The following UHRF2 variants were observed in gnomAD, a reference collection of about 807,000 sequenced individuals.
UHRF2 encodes the protein ubiquitin like with PHD and ring finger domains 2, also known as E3 ubiquitin-protein ligase UHRF2.
A neutral mutation model predicts 96.8 loss-of-function variants in UHRF2; 23 were observed. That is an observed-to-expected ratio of 0.24 (90% CI 0.17 to 0.34). The LOEUF (loss-of-function observed/expected upper bound fraction) is 0.34, where lower values mean the gene tolerates loss of function less well. Ranked by LOEUF, UHRF2 falls within the 10% of genes least tolerant of loss-of-function variation. The pLI is 1.00. For synonymous variants in UHRF2, 385 were observed against 332.6 expected (o/e 1.16, Z -1.72); for missense variants, 685 against 981.5 (o/e 0.70, Z 4.04).
intron 2 of UHRF2, among the ~76,000 whole-genome samples, chr9:6,431,339 G>A (rs1388930635): frequency 1.3e-5 from 2 of 152,150 alleles, no homozygotes; most frequent in African/African-American, 4.8e-5. Flanking sequence ...CAGGCAGGGT[G>A]CCTTGTGCAT....
chr9:6,474,623 C>T (rs1295272750), intron 4 of UHRF2, among the ~76,000 whole-genome samples: 6 of 152,084 alleles, frequency 3.9e-5, no homozygotes, highest in South Asian at 2.1e-4. Flanking sequence ...GGAGAATTGC[C>T]TGAATACAGG....
chr9:6,449,895 C>G (rs1386056550), intron 3 of UHRF2, among the ~76,000 whole-genome samples: 4 of 152,064 alleles, frequency 2.6e-5, no homozygotes, highest in Non-Finnish European at 4.4e-5. Context: ...CTGTGTGACT[C>G]TACTAGGAGA....
At chr9:6,449,497 G>A (rs561032235) in intron 3 of UHRF2, 2 of 152,184 alleles carry the variant, frequency 1.3e-5, no homozygotes, top group East Asian at 3.9e-4. Flanking sequence ...CCTTCATCTT[G>A]TCGTCTGTTT....
rs538419676 is a variant in UHRF2 at position 6,429,202 on chromosome 9, A to G, written c.385-4712A>G. Among the ~76,000 whole-genome samples, 4 of 152,146 alleles carry G rather than the reference A, an allele frequency of 2.6e-5. No homozygotes were observed. The South Asian group carries it at 8.3e-4, about 32-fold the overall frequency. On this transcript the variant is annotated intron_variant, in intron 2 of 15. Transcript: ENST00000276893. ...AAAAGGAAGATGGTACAATGAGAGA[A>G]CAATTTTCAGAGTTGGAGAACCTGT...
At chr9:6,462,073 G>T (rs993449372) in intron 4 of UHRF2, among the ~76,000 whole-genome samples, 2 of 152,034 alleles carry the variant, frequency 1.3e-5, no homozygotes, top group Non-Finnish European at 2.9e-5. Context: ...GTGATACAAG[G>T]TGACAAATCT....
chr9:6,433,796 C>A, intron 2 of UHRF2, 118 bp from the exon 3 acceptor site: 1 of 1,017,528 alleles, frequency 9.8e-7, no homozygotes, highest in Admixed American at 2.7e-5. Flanking sequence ...CCACTTTAAA[C>A]ATGAGTAGCT....
Position 6,433,997 on chromosome 9 carries a change from T to C in UHRF2, c.468T>C (p.Asp156=). The C allele has an allele frequency of 1.2e-6, 2 of 1,614,136 alleles. No homozygotes were observed. Among genetic ancestry groups the C allele is most frequent in the Non-Finnish European group, 1.7e-6 (2 of 1,180,022 alleles). Residue 156 remains aspartate, a synonymous_variant, in exon 3 of 16, where the codon GAT becomes GAC. Transcript: ENST00000276893. ...TACATAGTGTTACTAGAGCTTCTGATGGACAGTCACGTGGCAAAACTCCAC... is the reference window on the plus strand; with the variant it reads ...TACATAGTGTTACTAGAGCTTCTGACGGACAGTCACGTGGCAAAACTCCAC... The part of the protein sequence containing the change: ...AHIHSVTRAS[D]GQSRGKTPLK...
rs1045937949 is a variant in UHRF2, at chr9:6,506,279, C to T, written c.*100C>T. 40 of 1,460,712 alleles carry T rather than the reference C, an allele frequency of 2.7e-5. No individual in the cohort carries two copies. Among genetic ancestry groups the T allele is most frequent in the Non-Finnish European group, 3.3e-5 (36 of 1,077,480 alleles). 90.5% of individuals were successfully genotyped at this position (1,460,712 alleles called of 1,614,324 possible). A position where few individuals can be genotyped will look rare whatever the true frequency, so the allele number is the denominator to read the frequency against. On this transcript the variant is annotated 3_prime_UTR_variant, in exon 16 of 16. Transcript: ENST00000276893. ...AAGAAATGGTGGACTGTATCTCTCA[C>T]GTTCTGAAGCAGCTAATCCTCTTTC...
chr9:6,505,554 C>T (rs953639459), intron 15 of UHRF2, among the ~76,000 whole-genome samples: 3 of 152,220 alleles, frequency 2.0e-5, no homozygotes, highest in Non-Finnish European at 2.9e-5. Context: ...GCCTCAGCCT[C>T]CCAGAGTACT....
chr9:6,463,284 T>TA (rs77270598), intron 4 of UHRF2, among the ~76,000 whole-genome samples: 1 of 149,544 alleles, frequency 6.7e-6, no homozygotes, highest in Non-Finnish European at 1.5e-5. Flanking sequence ...TTCGTCTCAA[T>TA]AAAAAAAAAA....
At chr9:6,494,054 A>T (rs1440806169) in intron 10 of UHRF2, 122 bp downstream of exon 10, 3 of 774,946 alleles carry the variant, frequency 3.9e-6, no homozygotes, top group Non-Finnish European at 6.1e-6. Context: ...CTGAAATTAA[A>T]ATTCCAGTGC....
chr9:6,433,852 T>G, intron 2 of UHRF2, 62 bp from the exon 3 acceptor site: 11 of 1,541,516 alleles, frequency 7.1e-6, no homozygotes, highest in East Asian at 2.3e-5. Flanking sequence ...TTGAGTTACA[T>G]TAAGGTTTTT....
At chr9:6,460,150 A>G (rs1020891641) in intron 3 of UHRF2, among the ~76,000 whole-genome samples, 4 of 152,254 alleles carry the variant, frequency 2.6e-5, no homozygotes, top group Admixed American at 6.5e-5. Flanking sequence ...GCCATTACAA[A>G]TATTCAGTCT....
chr9:6,415,160 T>C (rs1348894498), intron 1 of UHRF2: 1 of 152,322 alleles, frequency 6.6e-6, no homozygotes, highest in South Asian at 2.1e-4. Flanking sequence ...TCCTAAAATC[T>C]TTATTATCAA....
Position 6,475,393 on chromosome 9 carries a change from G to A in UHRF2, c.866G>A (p.Gly289Asp). The A allele has an allele frequency of 6.5e-7, 1 of 1,541,886 alleles. No homozygotes were observed. Among genetic ancestry groups the A allele is most frequent in the Non-Finnish European group, 8.7e-7 (1 of 1,142,860 alleles). ...KELRVKIFLG[G>D]SEGTLNDCKI... Reference sequence around the variant, plus strand: ...ACCTTTCTTCCTTTTTTAAACAGGGGTTCTGAAGGAACATTAAATGACTGC... The same window carrying A: ...ACCTTTCTTCCTTTTTTAAACAGGGATTCTGAAGGAACATTAAATGACTGC... The change falls in exon 5 of 16, where the codon GGT (glycine) becomes GAT (aspartate). Residue 289 changes from glycine to aspartate, a missense_variant and splice_region_variant. Around this residue, in one of 6 missense-constraint regions of UHRF2, gnomAD observed 391 missense variants for 437.0 expected, o/e 0.89. Transcript: ENST00000276893.
At chr9:6,441,615 G>A (rs978779087) in intron 3 of UHRF2, among the ~76,000 whole-genome samples, 2 of 152,066 alleles carry the variant, frequency 1.3e-5, no homozygotes, top group Non-Finnish European at 2.9e-5. Flanking sequence ...CAGTATAGGG[G>A]AAAGGAGTTG....
chr9:6,484,993 A>T (rs948072180), intron 8 of UHRF2, among the ~76,000 whole-genome samples: 89 of 151,682 alleles, frequency 5.9e-4, no homozygotes, highest in Non-Finnish European at 1.2e-4. Context: ...GGGTTACTCC[A>T]TGTTGGTCAG....
rs542326686 is a variant in UHRF2 at position 6,476,687 on chromosome 9, C to T, written c.974-935C>T. Among the ~76,000 whole-genome samples, 34 of 152,142 alleles carry T rather than the reference C, an allele frequency of 2.2e-4. No individual in the cohort carries two copies. In the East Asian group the frequency reaches 5.4e-3, roughly 24 times the overall value. The stretch of plus-strand genomic sequence containing the variant: ...TCGGCTCACTGCAACCTCTGCCTCC[C>T]GGGTTCAGGTGATTCTCCTGCCTTA... On this transcript the variant is annotated intron_variant, in intron 5 of 15. Coordinates refer to ENST00000276893, the MANE Select transcript of UHRF2 (RefSeq NM_152896.3).
At chr9:6,467,078 C>T (rs1822910237) in intron 4 of UHRF2, among the ~76,000 whole-genome samples, 1 of 152,126 alleles carries the variant, frequency 6.6e-6, no homozygotes, top group Non-Finnish European at 1.5e-5. Context: ...AAGCATAGTA[C>T]AGTTTGGAGG....
Sources: allele counts gnomAD v4.1 joint callset (sites outside exome capture counted in the v4.1 genomes callset), GRCh38; gene constraint gnomAD v4.1.1; regional missense constraint gnomAD v4.1.1; transcripts MANE v1.5; gene names NCBI Gene and HGNC (gene_info 2026-07-23, HGNC 2026-07-21).